The following MACROD2 variants were observed in gnomAD, a reference collection of about 807,000 sequenced individuals.
MACROD2 encodes the protein ADP-ribose glycohydrolase MACROD2.
Under a neutral mutation model 70.4 loss-of-function variants are expected in MACROD2, and 36 were observed. The observed-to-expected ratio is 0.51, with a 90% CI of 0.39 to 0.68. The LOEUF is 0.68. MACROD2 is among the 30% of genes least tolerant of loss of function. The probability of loss-of-function intolerance (pLI) is 0.00; values close to 1 mark genes in which losing one functional copy is unlikely to be tolerated. For missense variants in MACROD2, 496 were observed against 538.4 expected, an observed-to-expected ratio of 0.92 and a Z score of 0.78; for synonymous variants, 172 against 178.8, an observed-to-expected ratio of 0.96 and a Z score of 0.30.
chr20:15,608,440 C>T (rs554478225), intron 8 of MACROD2, among the ~76,000 whole-genome samples: 3 of 152,292 alleles, frequency 2.0e-5, no homozygotes, highest in African/African-American at 4.8e-5. Context: ...ATTTCCTCAC[C>T]CTTGTTCTAG....
chr20:14,562,808 C>T (rs1979526752), intron 4 of MACROD2, among the ~76,000 whole-genome samples: 1 of 151,828 alleles, frequency 6.6e-6, no homozygotes, highest in Admixed American at 6.6e-5. Context: ...CCCTCAGAGT[C>T]AGGGACTCTA....
intron 5 of MACROD2, among the ~76,000 whole-genome samples, chr20:15,123,626 T>C: frequency 6.6e-6 from 1 of 151,970 alleles, no homozygotes; most frequent in South Asian, 2.1e-4. Context: ...TAAGTATGGC[T>C]ACTAAAAAAA....
At chr20:15,645,766 G>A (rs2049532009) in intron 8 of MACROD2, among the ~76,000 whole-genome samples, 1 of 152,274 alleles carries the variant, frequency 6.6e-6, no homozygotes, top group Middle Eastern at 3.4e-3. Flanking sequence ...ATAATATGTG[G>A]TATTAAGGAC....
At chr20:14,224,050 G>A (rs2081708375) in intron 3 of MACROD2, among the ~76,000 whole-genome samples, 1 of 152,130 alleles carries the variant, frequency 6.6e-6, no homozygotes, top group Admixed American at 6.5e-5. Flanking sequence ...ACCTTTAATT[G>A]ATTGGATGAG....
At chr20:15,367,372 T>C (rs953856570) in intron 6 of MACROD2, among the ~76,000 whole-genome samples, 8 of 152,222 alleles carry the variant, frequency 5.3e-5, no homozygotes, top group Non-Finnish European at 5.9e-5. Flanking sequence ...TCATTTTTTT[T>C]CTTCTGAATT....
chr20:14,686,714 A>G (rs749309208), intron 5 of MACROD2, among the ~76,000 whole-genome samples: 4 of 152,188 alleles, frequency 2.6e-5, no homozygotes, highest in Non-Finnish European at 5.9e-5. Context: ...AGTATACCCT[A>G]TGATTACATA....
chr20:15,365,724 A>G (rs889451863), intron 6 of MACROD2, among the ~76,000 whole-genome samples: 1 of 152,024 alleles, frequency 6.6e-6, no homozygotes, highest in Non-Finnish European at 1.5e-5. Context: ...ATCTTATGCT[A>G]ATTTTTAATT....
intron 2 of MACROD2, among the ~76,000 whole-genome samples, chr20:14,028,478 A>C (rs570910120): frequency 3.3e-5 from 5 of 151,206 alleles, no homozygotes; most frequent in Non-Finnish European, 7.4e-5. Flanking sequence ...ATGAAAAAAA[A>C]CTCCTGCAGC....
intron 8 of MACROD2, among the ~76,000 whole-genome samples, chr20:15,530,484 G>A (rs1341405816): frequency 2.6e-5 from 4 of 152,080 alleles, no homozygotes; most frequent in Admixed American, 1.3e-4. Flanking sequence ...TGTAATCCCA[G>A]CACTTTGGTA....
chr20:14,475,040 T>A (rs953029070), intron 3 of MACROD2, among the ~76,000 whole-genome samples: 1 of 152,190 alleles, frequency 6.6e-6, no homozygotes, highest in East Asian at 1.9e-4. Flanking sequence ...TCTTTCTTTT[T>A]CTCTTACTTT....
rs898874668 is a variant in MACROD2 at position 14,181,218 on chromosome 20, G to A, written c.271+95490G>A. ...CAAATAGATGAGACTACAGGTGCAC[G>A]CCACCACACCTGGCTAATTTTTTAT... On this transcript the variant is annotated intron_variant, in intron 3 of 17. Transcript: ENST00000684519. 2.6e-5 allele frequency among the ~76,000 whole-genome samples: 4 copies of A among 151,556 alleles called. No individual in the cohort carries two copies. In the South Asian group the frequency reaches 6.3e-4, roughly 24 times the overall value.
intron 7 of MACROD2, among the ~76,000 whole-genome samples, chr20:15,483,384 G>A (rs1033316561): frequency 6.6e-6 from 1 of 152,086 alleles, no homozygotes; most frequent in African/African-American, 2.4e-5. Flanking sequence ...GTCTATTTAT[G>A]GACTCTGTAT....
At chr20:15,418,861 T>G (rs1389408663) in intron 6 of MACROD2, among the ~76,000 whole-genome samples, 1 of 152,106 alleles carries the variant, frequency 6.6e-6, no homozygotes, top group Non-Finnish European at 1.5e-5. Context: ...TCTTGTGGCT[T>G]TATAAAGATT....
intron 4 of MACROD2, among the ~76,000 whole-genome samples, chr20:14,537,612 T>C (rs1473879579): frequency 6.6e-6 from 1 of 152,158 alleles, no homozygotes; most frequent in Non-Finnish European, 1.5e-5. Flanking sequence ...AGAGGTGGGC[T>C]AAGAGGACGT....
At chr20:15,149,068 T>C (rs1477256028) in intron 5 of MACROD2, among the ~76,000 whole-genome samples, 1 of 152,058 alleles carries the variant, frequency 6.6e-6, no homozygotes, top group Non-Finnish European at 1.5e-5. Flanking sequence ...TGAAAGTGTC[T>C]ACCTAGACTA....
intron 5 of MACROD2, among the ~76,000 whole-genome samples, chr20:15,229,521 T>C (rs2076941347): frequency 6.6e-6 from 1 of 152,206 alleles, no homozygotes; most frequent in African/African-American, 2.4e-5. Flanking sequence ...GTCTTAGAAG[T>C]AAGCTAGGCT....
chr20:15,514,660 A>G (rs1405653242), intron 8 of MACROD2, among the ~76,000 whole-genome samples: 1 of 152,224 alleles, frequency 6.6e-6, no homozygotes, highest in Non-Finnish European at 1.5e-5. Context: ...TATAAATGAA[A>G]AATAATCACA....
At chr20:14,762,529 CACTT>C (rs1389395107) in intron 5 of MACROD2, among the ~76,000 whole-genome samples, 1 of 152,118 alleles carries the variant, frequency 6.6e-6, no homozygotes, top group Non-Finnish European at 1.5e-5. Context: ...GACATTCTCT[CACTT>C]ACTTACTGAG....
At chr20:14,343,356 C>T (rs1230642816) in intron 3 of MACROD2, among the ~76,000 whole-genome samples, 1 of 151,990 alleles carries the variant, frequency 6.6e-6, no homozygotes, top group Non-Finnish European at 1.5e-5. Context: ...ATAACTGGAG[C>T]TCTTTGAGCC....
Sources: gnomAD v4.1 joint callset for allele counts (sites outside exome capture counted in the v4.1 genomes callset) on GRCh38, gnomAD v4.1.1 for gene constraint, MANE v1.5 for transcripts, NCBI Gene and HGNC (gene_info 2026-07-23, HGNC 2026-07-21) for gene names.